CALN1: variants seen among roughly 807,000 people sequenced by gnomAD.
CALN1 encodes calcium-binding protein 8.
CALN1 carries 17 observed loss-of-function variants against 30.6 expected under a neutral mutation model. The observed-to-expected ratio is 0.56, with a 90% CI of 0.38 to 0.83. The LOEUF (loss-of-function observed/expected upper bound fraction) is 0.83. Ranked by LOEUF, CALN1 falls within the 40% of genes least tolerant of loss-of-function variation. CALN1 has a pLI of 0.00. For synonymous variants in CALN1, 156 were observed against 131.4 expected, an observed-to-expected ratio of 1.19 and a Z score of -1.28; for missense variants, 291 against 354.9, an observed-to-expected ratio of 0.82 and a Z score of 1.45.
At chr7:72,302,468 A>G (rs78682862) in intron 2 of CALN1, among the ~76,000 whole-genome samples, 5 of 152,284 alleles carry the variant, frequency 3.3e-5, no homozygotes, top group African/African-American at 1.2e-4. Context: ...CCCAGTCAAA[A>G]TCCAATCAAG....
intron 4 of CALN1, among the ~76,000 whole-genome samples, chr7:72,093,142 A>G (rs922471761): frequency 1.3e-5 from 2 of 152,200 alleles, no homozygotes; most frequent in Non-Finnish European, 2.9e-5. Context: ...TTCCTCTCAC[A>G]TACTAGTTAA....
intron 3 of CALN1, among the ~76,000 whole-genome samples, chr7:72,153,032 C>T (rs1172631070): frequency 6.6e-6 from 1 of 152,188 alleles, no homozygotes; most frequent in Non-Finnish European, 1.5e-5. Context: ...AGGCTAGAAC[C>T]TCAGTGTTCA....
At chr7:72,068,435 T>C (rs974853405) in intron 4 of CALN1, among the ~76,000 whole-genome samples, 1 of 152,182 alleles carries the variant, frequency 6.6e-6, no homozygotes, top group African/African-American at 2.4e-5. Flanking sequence ...AATCCTGGAT[T>C]GTAATCATGG....
chr7:71,958,816 CTG>C (rs1018036813), intron 5 of CALN1, among the ~76,000 whole-genome samples: 51 of 152,298 alleles, frequency 3.3e-4, no homozygotes, highest in East Asian at 3.1e-3. Context: ...TCCTCCTGCA[CTG>C]TGAGACCTGA....
At chr7:71,934,400 A>T (rs1230270271) in intron 5 of CALN1, among the ~76,000 whole-genome samples, 1 of 152,122 alleles carries the variant, frequency 6.6e-6, no homozygotes, top group Non-Finnish European at 1.5e-5. Context: ...ATTTATAAAG[A>T]AAAGAGGTTT....
intron 2 of CALN1, among the ~76,000 whole-genome samples, chr7:72,360,195 T>A (rs1474017164): frequency 6.6e-6 from 1 of 152,126 alleles, no homozygotes; most frequent in Non-Finnish European, 1.5e-5. Flanking sequence ...TTATTAGTGT[T>A]AAGCTTCCTG....
intron 5 of CALN1, among the ~76,000 whole-genome samples, chr7:71,816,850 C>T (rs1788293953): frequency 1.3e-5 from 2 of 152,112 alleles, no homozygotes; most frequent in Non-Finnish European, 2.9e-5. Context: ...TTCCTGTAAT[C>T]CCAGCTACTC....
intron 3 of CALN1, among the ~76,000 whole-genome samples, chr7:72,212,081 G>A (rs763598211): frequency 5.3e-5 from 8 of 152,052 alleles, no homozygotes; most frequent in Non-Finnish European, 7.4e-5. Context: ...GGCCGGGCAC[G>A]GTGACTCATG....
chr7:72,171,948 G>C (rs748092686), intron 3 of CALN1, among the ~76,000 whole-genome samples: 1 of 152,146 alleles, frequency 6.6e-6, no homozygotes, highest in South Asian at 2.1e-4. Context: ...AAAGATCACA[G>C]GTCATGTAGC....
At chr7:72,107,925 G>A (rs765882158) in intron 3 of CALN1, among the ~76,000 whole-genome samples, 26 of 151,228 alleles carry the variant, frequency 1.7e-4, no homozygotes, top group African/African-American at 2.5e-4. Flanking sequence ...CAAGCCCCTC[G>A]GTTCTGACTC....
intron 5 of CALN1, among the ~76,000 whole-genome samples, chr7:71,956,684 CATTTT>C (rs1562934596): frequency 1.3e-5 from 2 of 151,598 alleles, no homozygotes; most frequent in African/African-American, 4.8e-5. Context: ...GGAGCATTTA[CATTTT>C]ATTTTATTAT....
At chr7:72,193,785 A>G (rs772191900) in intron 3 of CALN1, among the ~76,000 whole-genome samples, 4 of 152,256 alleles carry the variant, frequency 2.6e-5, no homozygotes, top group Non-Finnish European at 4.4e-5. Context: ...AGCCATAAAA[A>G]GGAACAAAAT....
chr7:71,945,709 T>C (rs1021115646), intron 5 of CALN1, among the ~76,000 whole-genome samples: 2 of 152,172 alleles, frequency 1.3e-5, no homozygotes, highest in African/African-American at 4.8e-5. Flanking sequence ...CCAGAGGAGA[T>C]CGTCTAGCTG....
At chr7:72,167,919 A>G (rs148192454) in intron 3 of CALN1, among the ~76,000 whole-genome samples, 163 of 152,326 alleles carry the variant, frequency 1.1e-3, no homozygotes, top group African/African-American at 3.7e-3. Flanking sequence ...ACTTGGCAGA[A>G]ATAGTCAAAG....
intron 3 of CALN1, among the ~76,000 whole-genome samples, chr7:72,205,551 A>AAATATATACATATATATGTGTATAT: frequency 1.2e-5 from 1 of 83,052 alleles, no homozygotes; most frequent in African/African-American, 7.5e-5. Context: ...GCAAAAAAAA[A>AAATATATACATATATATGTGTATAT]ATATATATAT....
At chr7:71,871,036 T>A (rs1454757838) in intron 5 of CALN1, among the ~76,000 whole-genome samples, 1 of 151,728 alleles carries the variant, frequency 6.6e-6, no homozygotes, top group Non-Finnish European at 1.5e-5. Flanking sequence ...GTTGAAGGAA[T>A]GATTAAGCAA....
intron 5 of CALN1, among the ~76,000 whole-genome samples, chr7:71,897,580 T>C (rs1318379429): frequency 1.3e-5 from 2 of 152,106 alleles, no homozygotes; most frequent in Non-Finnish European, 2.9e-5. Flanking sequence ...AAATATGCCA[T>C]CTTTGAAATT....
At chr7:72,457,896 C>T in the CALN1 span, among the ~76,000 whole-genome samples, 3 of 151,616 alleles carry the variant, frequency 2.0e-5, no homozygotes, top group African/African-American at 7.3e-5. Context: ...GCTGAGACTA[C>T]AGGCATGCAC....
the CALN1 span, among the ~76,000 whole-genome samples, chr7:72,482,239 C>T: frequency 2.0e-5 from 3 of 152,072 alleles, no homozygotes; most frequent in Non-Finnish European, 2.9e-5. Flanking sequence ...GCTTCTGACC[C>T]ATTTGGATTT....
Sources: gnomAD v4.1 joint callset for allele counts (sites outside exome capture counted in the v4.1 genomes callset) on GRCh38, gnomAD v4.1.1 for gene constraint, MANE v1.5 for transcripts, NCBI Gene and HGNC (gene_info 2026-07-23, HGNC 2026-07-21) for gene names.